The following MTMR10 variants were observed in gnomAD, a reference collection of about 807,000 sequenced individuals.
The protein encoded by MTMR10 is myotubularin-related protein 10.
MTMR10 carries 56 observed loss-of-function variants against 88.1 expected under a neutral mutation model. The ratio of observed to expected loss-of-function variants is 0.64; its 90% CI spans 0.51 to 0.79. The LOEUF is 0.79. Ranked by LOEUF, MTMR10 falls within the 30% of genes least tolerant of loss-of-function variation. The pLI is 0.00. For synonymous variants in MTMR10, 380 were observed against 340.9 expected, an observed-to-expected ratio of 1.11 and a Z score of -1.26; for missense variants, 883 against 924.7, an observed-to-expected ratio of 0.95 and a Z score of 0.58.
chr15:30,926,033 C>T, the MTMR10 span: 1 of 1,254,862 alleles, frequency 8.0e-7, no homozygotes, highest in South Asian at 1.3e-5. Context: ...TGTCCTCTCT[C>T]TGTCCTCTGC....
chr15:30,919,130 C>T, the MTMR10 span, among the ~76,000 whole-genome samples: 1 of 152,154 alleles, frequency 6.6e-6, no homozygotes, highest in East Asian at 1.9e-4. Context: ...CCTGTAATCC[C>T]GGCACTTTGG....
At chr15:30,955,655 C>T (rs1191603702) in intron 9 of MTMR10, among the ~76,000 whole-genome samples, 8 of 151,844 alleles carry the variant, frequency 5.3e-5, no homozygotes, top group Non-Finnish European at 8.8e-5. Flanking sequence ...AAGGGGGGGG[C>T]GGGGCAGCAC....
the MTMR10 span, chr15:30,926,687 TAGA>T: frequency 5.1e-6 from 5 of 985,190 alleles, no homozygotes; most frequent in Non-Finnish European, 6.0e-6. Flanking sequence ...TGGTTAGAAA[TAGA>T]AGAATAGAAT....
Position 30,974,969 on chromosome 15 carries a change from T to C in MTMR10, c.293A>G (p.His98Arg). ...FHYRNLLLGE[H>R]DVPLTCIEQI... ...CTCAATACATGTTAAAGGGACATCG[T>C]GTTCACCAAGAAGAAGGTTTCTGTA... Residue 98 changes from histidine to arginine, a missense_variant, in exon 4 of 16, where the codon CAC (histidine) becomes CGC (arginine). This residue lies in a region of MTMR10 where 414 missense variants were observed against 423.2 expected (regional missense o/e 0.98). Coordinates refer to ENST00000435680, the MANE Select transcript of MTMR10 (RefSeq NM_017762.3). The C allele has an allele frequency of 6.3e-7, 1 of 1,578,576 alleles. No individual in the cohort carries two copies. The highest frequency in any genetic ancestry group is 8.6e-7 in the Non-Finnish European group (1 of 1,160,376).
At chr15:30,990,087 C>T (rs986510629) in intron 2 of MTMR10, among the ~76,000 whole-genome samples, 7 of 152,020 alleles carry the variant, frequency 4.6e-5, no homozygotes, top group Admixed American at 4.6e-4. Context: ...AAATTTTGTT[C>T]TAAAGCAGTG....
At chr15:30,966,932 T>C (rs2063479796) in intron 6 of MTMR10, among the ~76,000 whole-genome samples, 11 of 151,710 alleles carry the variant, frequency 7.3e-5, no homozygotes, top group Admixed American at 7.2e-4. Flanking sequence ...AAAATTTACT[T>C]ATACACATGC....
the MTMR10 span, chr15:30,926,743 T>C: frequency 4.1e-6 from 4 of 985,292 alleles, no homozygotes; most frequent in Non-Finnish European, 4.8e-6. Context: ...GGACACTCGC[T>C]GGAGGAGGAA....
intron 9 of MTMR10, 127 bp from the exon 10 acceptor site, chr15:30,955,020 A>G: frequency 5.2e-6 from 4 of 771,458 alleles, no homozygotes; most frequent in Middle Eastern, 4.1e-4. Flanking sequence ...CATGGAGTTT[A>G]CTTTTTTTTT....
chr15:30,970,743 C>A (rs1030314570), intron 5 of MTMR10, among the ~76,000 whole-genome samples: 2 of 152,032 alleles, frequency 1.3e-5, no homozygotes, highest in African/African-American at 4.8e-5. Context: ...ATTTTCAAGG[C>A]AAAACCCAAC....
In MTMR10 at chr15:30,941,566, A is replaced by G; in HGVS notation, c.2238T>C (p.Asn746=). The change falls in exon 16 of 16, where the codon AAT becomes AAC. Residue 746 remains asparagine, a synonymous_variant. Transcript: ENST00000435680. ...SSSFPFSPVG[N]LCRRSILGTP... The stretch of plus-strand genomic sequence containing the variant: ...TTCCTAAAATGCTTCGTCTGCACAG[A>G]TTCCCTACAGGAGAAAATGGAAATG... 6.2e-7 allele frequency: 1 copy of G among 1,601,878 alleles called. No homozygotes were observed. The highest frequency in any genetic ancestry group is 1.1e-5 in the South Asian group (1 of 89,412).
At chr15:30,918,839 C>T in the MTMR10 span, among the ~76,000 whole-genome samples, 1 of 151,980 alleles carries the variant, frequency 6.6e-6, no homozygotes, top group African/African-American at 2.4e-5. Flanking sequence ...TTTCAGATGC[C>T]ACTTTGAAAA....
chr15:30,953,442 T>C (rs941920346), intron 11 of MTMR10, 120 bp downstream of exon 11: 19 of 710,888 alleles, frequency 2.7e-5, no homozygotes, highest in South Asian at 1.6e-4. Context: ...GATGTTACTA[T>C]TGGGGGAAGT....
At chr15:30,920,254 G>T in the MTMR10 span, among the ~76,000 whole-genome samples, 1 of 152,150 alleles carries the variant, frequency 6.6e-6, no homozygotes, top group Non-Finnish European at 1.5e-5. Flanking sequence ...TTCTTAGTTT[G>T]CAGGACATAG....
the MTMR10 span, among the ~76,000 whole-genome samples, chr15:30,920,942 C>T: frequency 6.6e-6 from 1 of 152,132 alleles, no homozygotes; most frequent in African/African-American, 2.4e-5. Flanking sequence ...CGCCACCATG[C>T]CTAGCTAATT....
intron 2 of MTMR10, among the ~76,000 whole-genome samples, chr15:30,983,162 G>A (rs963573619): frequency 1.3e-5 from 2 of 152,166 alleles, no homozygotes; most frequent in African/African-American, 4.8e-5. Flanking sequence ...CTCTCTCCCA[G>A]CTCTGTGCTA....
In MTMR10 at chr15:30,940,067, A is replaced by G. The variant is rs189006253; in HGVS notation, c.*1403T>C. On this transcript the variant is annotated 3_prime_UTR_variant, in exon 16 of 16. Coordinates refer to ENST00000435680, the MANE Select transcript of MTMR10 (RefSeq NM_017762.3). ...GTTATCTTGAAAACACTTGTTTTAG[A>G]AAAGGAAATAAGCTAACTAGACACT... is the stretch of plus-strand genomic sequence containing the variant. 1.2e-4 allele frequency: 121 copies of G among 982,496 alleles called. 1 individual carries two copies. The Middle Eastern group carries it at 3.7e-3, about 30-fold the overall frequency. The allele number at this position is 982,496 out of a possible 1,614,324, so 60.9% of individuals were successfully genotyped here.
chr15:30,922,502 C>A, the MTMR10 span: 1 of 854,736 alleles, frequency 1.2e-6, no homozygotes, highest in Non-Finnish European at 1.8e-6. Flanking sequence ...TTCTTCCAAC[C>A]CCAAAAGAAT....
the MTMR10 span, chr15:30,927,745 G>C: frequency 1.0e-6 from 1 of 985,642 alleles, no homozygotes; most frequent in Non-Finnish European, 1.2e-6. Context: ...CCTCTGTCGG[G>C]AGGGCTGATG....
At chr15:30,976,697 C>T (rs2030177212) in intron 3 of MTMR10, 122 bp downstream of exon 3, 4 of 1,101,298 alleles carry the variant, frequency 3.6e-6, no homozygotes, top group East Asian at 2.7e-5. Context: ...ATAATTTATC[C>T]CAAACATTGC....
Sources: allele counts gnomAD v4.1 joint callset (sites outside exome capture counted in the v4.1 genomes callset), GRCh38; gene constraint gnomAD v4.1.1; regional missense constraint gnomAD v4.1.1; transcripts MANE v1.5; gene names NCBI Gene and HGNC (gene_info 2026-07-23, HGNC 2026-07-21).